Variants in KIAA0586 observed in about 807,000 individuals in gnomAD.
The protein encoded by KIAA0586 is protein TALPID3.
In KIAA0586, 144 loss-of-function variants were observed where a neutral mutation model predicts 169.8. The ratio of observed to expected loss-of-function variants is 0.85; its 90% confidence interval spans 0.74 to 0.97. KIAA0586 has a LOEUF of 0.97. Ranked by LOEUF, KIAA0586 falls within the 50% of genes least tolerant of loss-of-function variation. The pLI is 0.00. For missense variants in KIAA0586, 1,854 were observed against 1,823.0 expected, an observed-to-expected ratio of 1.02 and a Z score of -0.31; for synonymous variants, 625 against 612.4, an observed-to-expected ratio of 1.02 and a Z score of -0.30.
At position 58,465,831 on chromosome 14, in the gene KIAA0586, A is replaced by G. The variant is rs764093214; in HGVS notation, c.2060-4A>G. The G allele has an allele frequency of 9.0e-6, 14 of 1,563,606 alleles. 1 individual carries two copies. In the South Asian group the frequency reaches 1.5e-4, roughly 17 times the overall value. ...AAAATATCTGCCATTGGTGATTATTATAGGCACTAAGGTAAAGTCAATAAG... is the reference window on the plus strand; with the variant it reads ...AAAATATCTGCCATTGGTGATTATTGTAGGCACTAAGGTAAAGTCAATAAG... On this transcript the variant is annotated splice_polypyrimidine_tract_variant and splice_region_variant and intron_variant, in intron 14 of 30. Transcript: ENST00000652326.
chr14:58,472,173 A>G (rs752373239), intron 17 of KIAA0586, 26 bp from the exon 18 acceptor site: 3 of 1,392,732 alleles, frequency 2.2e-6, no homozygotes, highest in Non-Finnish European at 2.9e-6. Context: ...AAGCACAACA[A>G]AAACTTTCTG....
chr14:58,454,516 T>TA (rs760661044), intron 9 of KIAA0586, among the ~76,000 whole-genome samples: 2 of 152,228 alleles, frequency 1.3e-5, no homozygotes, highest in Non-Finnish European at 2.9e-5. Flanking sequence ...TATTTCTTCA[T>TA]ATGGATTCAA....
intron 26 of KIAA0586, among the ~76,000 whole-genome samples, chr14:58,497,360 A>C (rs937658060): frequency 6.6e-6 from 1 of 150,678 alleles, no homozygotes; most frequent in East Asian, 2.0e-4. Flanking sequence ...TATAATCTGT[A>C]TACTTTTTTT....
At chr14:58,458,387 A>C (rs2040047154) in intron 11 of KIAA0586, 86 bp from the exon 12 acceptor site, 4 of 711,534 alleles carry the variant, frequency 5.6e-6, no homozygotes, top group Non-Finnish European at 9.5e-6. Flanking sequence ...TAGCAGGTTC[A>C]CAACTAGATA....
intron 4 of KIAA0586, among the ~76,000 whole-genome samples, chr14:58,434,223 ATAGACT>A (rs1352768910): frequency 6.6e-6 from 1 of 152,212 alleles, no homozygotes; most frequent in Non-Finnish European, 1.5e-5. Context: ...GGACATAATG[ATAGACT>A]TAGAAGGTAT....
At chr14:58,439,702 G>T in intron 4 of KIAA0586, 1 of 252,136 alleles carries the variant, frequency 4.0e-6, no homozygotes, top group South Asian at 1.5e-4. Context: ...AGCAAGTAGA[G>T]AAGTCAAGAT....
chr14:58,448,786 C>A (rs2039118137), intron 7 of KIAA0586, among the ~76,000 whole-genome samples: 5 of 152,022 alleles, frequency 3.3e-5, no homozygotes, highest in Middle Eastern at 6.8e-3. Flanking sequence ...TAATTAATCT[C>A]ATAAATTATC....
intron 19 of KIAA0586, among the ~76,000 whole-genome samples, 196 bp from the exon 20 acceptor site, chr14:58,476,927 G>A (rs1952485025): frequency 1.3e-5 from 2 of 152,062 alleles, no homozygotes; most frequent in African/African-American, 4.8e-5. Flanking sequence ...CCAAAGTGTT[G>A]AGATTACAGA....
intron 29 of KIAA0586, chr14:58,521,676 C>G: frequency 1.0e-6 from 1 of 963,154 alleles, no homozygotes; most frequent in Non-Finnish European, 1.7e-6. Flanking sequence ...AAGGAATTGA[C>G]CCAGATAAAA....
intron 3 of KIAA0586, among the ~76,000 whole-genome samples, chr14:58,431,963 G>A (rs1236098640): frequency 6.6e-6 from 1 of 152,104 alleles, no homozygotes; most frequent in Non-Finnish European, 1.5e-5. Context: ...AGATCTAGGG[G>A]CATTTTGTAG....
intron 29 of KIAA0586, among the ~76,000 whole-genome samples, chr14:58,526,708 G>C (rs2045607499): frequency 6.6e-6 from 1 of 152,174 alleles, no homozygotes; most frequent in Non-Finnish European, 1.5e-5. Context: ...GAATGAATTT[G>C]ATGAATTGAC....
intron 29 of KIAA0586, among the ~76,000 whole-genome samples, chr14:58,517,205 G>T (rs1432962370): frequency 2.6e-5 from 4 of 152,132 alleles, no homozygotes; most frequent in African/African-American, 9.7e-5. Context: ...CAGACTGGAA[G>T]AAAATATTTG....
chr14:58,502,452 T>C (rs2141351371), intron 27 of KIAA0586, among the ~76,000 whole-genome samples: 1 of 152,280 alleles, frequency 6.6e-6, no homozygotes. Context: ...TAATGTCTTT[T>C]ATAACCTAAT....
intron 21 of KIAA0586, among the ~76,000 whole-genome samples, chr14:58,483,481 C>A (rs1033342781): frequency 6.6e-6 from 1 of 152,070 alleles, no homozygotes; most frequent in Non-Finnish European, 1.5e-5. Context: ...TCACACCCCC[C>A]CAGATTTAAC....
chr14:58,501,489 T>C (rs1056837468), intron 27 of KIAA0586, among the ~76,000 whole-genome samples: 1 of 152,214 alleles, frequency 6.6e-6, no homozygotes, highest in East Asian at 1.9e-4. Context: ...AGGTACTTAG[T>C]TGAAATGTTA....
intron 19 of KIAA0586, among the ~76,000 whole-genome samples, chr14:58,476,339 T>C (rs2041621855): frequency 6.6e-6 from 1 of 152,186 alleles, no homozygotes; most frequent in Non-Finnish European, 1.5e-5. Flanking sequence ...TTTCCCTTCC[T>C]GAAGATGACT....
chr14:58,453,588 T>TAAA, intron 9 of KIAA0586, 115 bp downstream of exon 9: 1 of 675,578 alleles, frequency 1.5e-6, no homozygotes, highest in Non-Finnish European at 2.3e-6. Context: ...TTATCTTAGA[T>TAAA]TTAGTTACTA....
At chr14:58,502,661 C>A (rs1489510098) in intron 27 of KIAA0586, among the ~76,000 whole-genome samples, 1 of 152,116 alleles carries the variant, frequency 6.6e-6, no homozygotes, top group East Asian at 1.9e-4. Context: ...AAGTACTAAG[C>A]TCAGTGCTTG....
intron 29 of KIAA0586, among the ~76,000 whole-genome samples, chr14:58,536,659 G>C (rs1383063210): frequency 6.6e-6 from 1 of 152,176 alleles, no homozygotes; most frequent in Non-Finnish European, 1.5e-5. Flanking sequence ...AAAAGGCACA[G>C]TGTGTACAAG....
Sources: allele counts gnomAD v4.1 joint callset (sites outside exome capture counted in the v4.1 genomes callset), GRCh38; gene constraint gnomAD v4.1.1; transcripts MANE v1.5; gene names NCBI Gene and HGNC (gene_info 2026-07-23, HGNC 2026-07-21).